The following NOTCH2NLC variants were observed in gnomAD, a reference collection of about 807,000 sequenced individuals.
The protein encoded by NOTCH2NLC is notch 2 N-terminal like C.
In NOTCH2NLC, 4 loss-of-function variants were observed where a neutral mutation model predicts 17.7. That is an observed-to-expected ratio of 0.23 (90% confidence interval 0.11 to 0.52). The LOEUF (loss-of-function observed/expected upper bound fraction) is 0.52. NOTCH2NLC is among the 20% of genes least tolerant of loss of function. NOTCH2NLC has a pLI of 0.96. For missense variants in NOTCH2NLC, 57 were observed against 207.2 expected, an observed-to-expected ratio of 0.28 and a Z score of 4.45; for synonymous variants, 18 against 86.0, an observed-to-expected ratio of 0.21 and a Z score of 4.38.
chr1:149,413,278 C>G (rs1482506389), intron 1 of NOTCH2NLC, among the ~76,000 whole-genome samples: 1 of 150,924 alleles, frequency 6.6e-6, no homozygotes, highest in Non-Finnish European at 1.5e-5. Context: ...TAGAAGTGCA[C>G]CTGGAAATGC....
chr1:149,444,629 GAAAAGCAGA>G (rs2084537868), intron 2 of NOTCH2NLC, among the ~76,000 whole-genome samples: 1 of 150,574 alleles, frequency 6.6e-6, no homozygotes, highest in South Asian at 2.1e-4. Flanking sequence ...ACTTCTACAA[GAAAAGCAGA>G]AATGCTCTGT....
rs1213287526 is a variant in NOTCH2NLC, at chr1:149,468,802, G to A, written c.*4649G>A. On this transcript the variant is annotated 3_prime_UTR_variant, in exon 5 of 5. Coordinates refer to ENST00000650865, the MANE Select transcript of NOTCH2NLC (RefSeq NM_001364013.2). ...GAAGCAGTGAGCCTGGGCGGGTGAT[G>A]GAGTGGGAGATACGTGGCACAGGGG... is the stretch of plus-strand genomic sequence containing the variant. 2.8e-5 allele frequency among the ~76,000 whole-genome samples: 4 copies of A among 141,764 alleles called. No individual in the cohort carries two copies. The highest frequency in any genetic ancestry group is 4.6e-5 in the Non-Finnish European group (3 of 65,336). The allele number at this position is 141,764 out of a possible 152,430, so 93.0% of individuals were successfully genotyped here.
chr1:149,432,348 A>T (rs1326555282), intron 2 of NOTCH2NLC, among the ~76,000 whole-genome samples: 1 of 151,134 alleles, frequency 6.6e-6, no homozygotes, highest in African/African-American at 2.4e-5. Flanking sequence ...AAATATTTTA[A>T]GCTGTGATGA....
chr1:149,436,049 TAA>T (rs1185533185), intron 2 of NOTCH2NLC, among the ~76,000 whole-genome samples: 2 of 120,024 alleles, frequency 1.7e-5, no homozygotes, highest in African/African-American at 3.1e-5. Flanking sequence ...TAGTCTGATA[TAA>T]GTTACTCTGC....
rs1328738086 is a variant in NOTCH2NLC, at chr1:149,446,172, T to C, written c.210-9146T>C. Among the ~76,000 whole-genome samples, 12 of 92,926 alleles carry C rather than the reference T, an allele frequency of 1.3e-4. No homozygotes were observed. The East Asian group carries it at 2.3e-3, about 18-fold the overall frequency. The allele number at this position is 92,926 out of a possible 152,430, so 61.0% of individuals were successfully genotyped here. A position where few individuals can be genotyped will look rare whatever the true frequency, so the allele number is the denominator to read the frequency against. ...AACAAATTTTTCTGTCCTGTATTAC[T>C]AGGGAGACTGATCCTGAACTGCAGC... On this transcript the variant is annotated intron_variant, in intron 2 of 4. Coordinates refer to ENST00000650865, the MANE Select transcript of NOTCH2NLC (RefSeq NM_001364013.2).
intron 2 of NOTCH2NLC, among the ~76,000 whole-genome samples, chr1:149,448,932 A>G (rs1272780216): frequency 2.8e-5 from 4 of 140,922 alleles, no homozygotes; most frequent in African/African-American, 1.1e-4. Flanking sequence ...CCCAGGCTGG[A>G]GTGCAGTGGC....
At chr1:149,391,030 C>T (rs2084163166) in intron 1 of NOTCH2NLC, 108 bp downstream of exon 1, 1 of 972,618 alleles carries the variant, frequency 1.0e-6, no homozygotes, top group Non-Finnish European at 1.3e-6. Context: ...GCTCGGCCGC[C>T]GGCGCGGAGC....
intron 1 of NOTCH2NLC, among the ~76,000 whole-genome samples, chr1:149,418,744 A>G: frequency 7.5e-6 from 1 of 132,718 alleles, no homozygotes; most frequent in Middle Eastern, 3.9e-3. Flanking sequence ...CTTGGCTGAC[A>G]TTTTTCAAGC....
intron 1 of NOTCH2NLC, among the ~76,000 whole-genome samples, chr1:149,412,124 A>AC (rs1271920916): frequency 1.4e-5 from 2 of 145,142 alleles, no homozygotes; most frequent in East Asian, 4.2e-4. Context: ...TCCAAAAAAA[A>AC]AAAAAACAAA....
chr1:149,437,870 G>T (rs1180052363), intron 2 of NOTCH2NLC, among the ~76,000 whole-genome samples: 1 of 146,348 alleles, frequency 6.8e-6, no homozygotes, highest in Non-Finnish European at 1.5e-5. Flanking sequence ...TAACATTATT[G>T]CATATTAGGG....
At chr1:149,460,566 T>C (rs1200280241) in intron 3 of NOTCH2NLC, among the ~76,000 whole-genome samples, 22 of 150,148 alleles carry the variant, frequency 1.5e-4, no homozygotes, top group Admixed American at 1.5e-3. Context: ...CTGGATCGCC[T>C]GACCTCATGA....
chr1:149,435,467 A>T (rs2084476649), intron 2 of NOTCH2NLC, among the ~76,000 whole-genome samples: 1 of 149,146 alleles, frequency 6.7e-6, no homozygotes, highest in South Asian at 2.2e-4. Flanking sequence ...TAGTCCGATG[A>T]CACAAATCTT....
rs1465152004 is a variant in NOTCH2NLC, at chr1:149,424,239, G to A, written c.136-6703G>A. 1.3e-4 allele frequency among the ~76,000 whole-genome samples: 20 copies of A among 151,268 alleles called. 1 individual carries two copies. The highest frequency in any genetic ancestry group is 2.5e-4 in the Non-Finnish European group (17 of 67,664). On this transcript the variant is annotated intron_variant, in intron 1 of 4. Transcript: ENST00000650865. ...TGAATAAATAAAAGAGCCTTGTCTGGATTGAGTTACAGTTAGTGCTAAACA... is the reference window on the plus strand; with the variant it reads ...TGAATAAATAAAAGAGCCTTGTCTGAATTGAGTTACAGTTAGTGCTAAACA...
chr1:149,418,860 A>C (rs2084360588), intron 1 of NOTCH2NLC, among the ~76,000 whole-genome samples: 1 of 149,130 alleles, frequency 6.7e-6, no homozygotes, highest in Non-Finnish European at 1.5e-5. Flanking sequence ...TTAGGCTTCC[A>C]GACAGGAGTG....
At position 149,396,893 on chromosome 1, in the gene NOTCH2NLC, G is replaced by GT. The variant is rs1446794645; in HGVS notation, c.135+5977dup. Among the ~76,000 whole-genome samples the GT allele has an allele frequency of 8.7e-3, 702 of 80,502 alleles. 1 individual carries two copies. Among genetic ancestry groups the GT allele is most frequent in the Middle Eastern group, 0.047 (11 of 236 alleles). 52.8% of individuals were successfully genotyped at this position (80,502 alleles called of 152,430 possible). On this transcript the variant is annotated intron_variant, in intron 1 of 4. Transcript: ENST00000650865. ...TCAAAGTGTTTGTTTTTGTTTGTTT[G>GT]TTTTTTGAGAGTATTAGAGACAGGT...
chr1:149,406,470 A>G (rs1359985147), intron 1 of NOTCH2NLC: 1 of 147,198 alleles, frequency 6.8e-6, no homozygotes, highest in African/African-American at 2.4e-5. Context: ...ATGCCAAGGG[A>G]TATTAAAGAA....
At position 149,462,150 on chromosome 1, in the gene NOTCH2NLC, T is replaced by A. The variant is rs1179487190; in HGVS notation, c.470-1341T>A. 8.1e-5 allele frequency among the ~76,000 whole-genome samples: 12 copies of A among 149,044 alleles called. 1 individual carries two copies. Among genetic ancestry groups the A allele is most frequent in the Middle Eastern group, 3.2e-3 (1 of 312 alleles). On this transcript the variant is annotated intron_variant, in intron 3 of 4. Coordinates refer to ENST00000650865, the MANE Select transcript of NOTCH2NLC (RefSeq NM_001364013.2). Reference sequence around the variant, plus strand: ...GTATAATAATAATAATAATAATAATTCAAGGAGTTCTCATCTCTGTAGTTT... The same window carrying A: ...GTATAATAATAATAATAATAATAATACAAGGAGTTCTCATCTCTGTAGTTT...
At chr1:149,460,470 C>CT (rs1342021447) in intron 3 of NOTCH2NLC, among the ~76,000 whole-genome samples, 1 of 147,542 alleles carries the variant, frequency 6.8e-6, no homozygotes, top group East Asian at 2.0e-4. Flanking sequence ...TCCTGAGTAG[C>CT]TGGGACTACA....
At position 149,419,068 on chromosome 1, in the gene NOTCH2NLC, T is replaced by C. The variant is rs2084363731; in HGVS notation, c.136-11874T>C. ...CTTTTTTTCTTTCTTTTTTTTCTTT[T>C]CTTTTCTTTCTTTTCTCTCTCTCTC... On this transcript the variant is annotated intron_variant, in intron 1 of 4. Coordinates refer to ENST00000650865, the MANE Select transcript of NOTCH2NLC (RefSeq NM_001364013.2). Among the ~76,000 whole-genome samples the C allele has an allele frequency of 1.3e-5, 2 of 149,428 alleles. 1 individual carries two copies. The highest frequency in any genetic ancestry group is 4.9e-5 in the African/African-American group (2 of 40,718).
Sources: allele counts gnomAD v4.1 joint callset (sites outside exome capture counted in the v4.1 genomes callset), GRCh38; gene constraint gnomAD v4.1.1; transcripts MANE v1.5; gene names NCBI Gene and HGNC (gene_info 2026-07-23, HGNC 2026-07-21).